SCAF4: variants seen among roughly 807,000 people sequenced by gnomAD.
The protein encoded by SCAF4 is SR-related CTD associated factor 4.
In SCAF4, 25 loss-of-function variants were observed where a neutral mutation model predicts 129.8. That is an observed-to-expected ratio of 0.19 (90% CI 0.14 to 0.27). The LOEUF (loss-of-function observed/expected upper bound fraction) is 0.27, where lower values mean the gene tolerates loss of function less well. Ranked by LOEUF, SCAF4 falls within the 10% of genes least tolerant of loss-of-function variation. The pLI is 1.00. For missense variants in SCAF4, 1,246 were observed against 1,457.1 expected (o/e 0.86, Z 2.36); for synonymous variants, 551 against 497.7 (o/e 1.11, Z -1.43).
intron 1 of SCAF4, among the ~76,000 whole-genome samples, chr21:31,715,108 T>C (rs13049612): frequency 0.23 from 35,640 of 152,146 alleles, 4,742 homozygotes; most frequent in East Asian, 0.32. Context: ...AGAATCTCAC[T>C]AGCATCAGCA....
At chr21:31,715,156 A>G (rs1568859806) in intron 1 of SCAF4, among the ~76,000 whole-genome samples, 1 of 152,156 alleles carries the variant, frequency 6.6e-6, no homozygotes, top group Admixed American at 6.5e-5. Flanking sequence ...GGAAGAATCT[A>G]TTTCTTGTCT....
In SCAF4 at chr21:31,721,725, C is replaced by CTT. The variant is rs1030749806; in HGVS notation, c.30+9936_30+9937dup. ...TTATTAACATCAAGCAAGAGCAATTCTTTTTTTTTTTTTTTTTTTGAGATG... is the reference window on the plus strand; with the variant it reads ...TTATTAACATCAAGCAAGAGCAATTCTTTTTTTTTTTTTTTTTTTTTGAGATG... On this transcript the variant is annotated intron_variant, in intron 1 of 19. Coordinates refer to ENST00000286835, the MANE Select transcript of SCAF4 (RefSeq NM_020706.2). Among the ~76,000 whole-genome samples the CTT allele has an allele frequency of 5.7e-3, 714 of 125,418 alleles. 12 individuals are homozygous for CTT. The highest frequency in any genetic ancestry group is 0.014 in the South Asian group (52 of 3,824). 82.3% of individuals were successfully genotyped at this position (125,418 alleles called of 152,430 possible).
At chr21:31,701,748 C>T in intron 6 of SCAF4, 28 bp downstream of exon 6, 1 of 1,586,210 alleles carries the variant, frequency 6.3e-7, no homozygotes, top group Non-Finnish European at 8.5e-7. Context: ...GTCCTGCAAA[C>T]AATTTCACTT....
chr21:31,698,425 AAATTCAAAGG>A (rs2050439789), intron 7 of SCAF4, among the ~76,000 whole-genome samples: 1 of 152,172 alleles, frequency 6.6e-6, no homozygotes, highest in African/African-American at 2.4e-5. Flanking sequence ...ATTTACCTAT[AAATTCAAAGG>A]AATTCTATAC....
chr21:31,675,732 A>G (rs951068952), intron 19 of SCAF4, among the ~76,000 whole-genome samples: 3 of 152,228 alleles, frequency 2.0e-5, no homozygotes, highest in African/African-American at 7.2e-5. Context: ...GAGTTTAACT[A>G]AAAATAACCA....
Position 31,692,366 on chromosome 21 carries a change from G to A in SCAF4, c.1597C>T (p.Pro533Ser). 7 of 1,613,032 alleles carry A rather than the reference G, an allele frequency of 4.3e-6. No homozygotes were observed. The highest frequency in any genetic ancestry group is 5.9e-6 in the Non-Finnish European group (7 of 1,179,122). Reference protein sequence around the residue: ...DVASLLEEFGPIESINMIPPR... With the variant: ...DVASLLEEFGSIESINMIPPR... ...ACACTCACATTAATTGATTCAATTG[G>A]ACCAAACTCTTCCAAGAGACTGGCA... is the stretch of plus-strand genomic sequence containing the variant. Residue 533 changes from proline (P) to serine (S), a missense_variant, in exon 13 of 20, where the codon CCA becomes TCA. Pro to Ser is a moderately conservative substitution (Grantham distance 74, BLOSUM62 -1). Transcript: ENST00000286835.
chr21:31,675,135 T>C (rs2049819580), intron 19 of SCAF4, among the ~76,000 whole-genome samples: 1 of 152,164 alleles, frequency 6.6e-6, no homozygotes, highest in African/African-American at 2.4e-5. Flanking sequence ...AGAACCACAA[T>C]AAAATGACTT....
chr21:31,698,615 A>C (rs180782864), intron 7 of SCAF4, among the ~76,000 whole-genome samples: 1 of 152,168 alleles, frequency 6.6e-6, no homozygotes, highest in Non-Finnish European at 1.5e-5. Context: ...TTTTTAGATG[A>C]AAGTAACAAT....
chr21:31,725,748 C>G (rs953974685), intron 1 of SCAF4, among the ~76,000 whole-genome samples: 1 of 152,014 alleles, frequency 6.6e-6, no homozygotes, highest in Non-Finnish European at 1.5e-5. Flanking sequence ...CAGAGGCTAC[C>G]TGATGTGTGT....
At chr21:31,688,261 G>C (rs766126429) in intron 16 of SCAF4, 46 bp downstream of exon 16, 1 of 1,584,774 alleles carries the variant, frequency 6.3e-7, no homozygotes. Context: ...TTTAGAAAGG[G>C]ACCTTTCAGG....
At chr21:31,696,497 AATGTTAC>A in intron 8 of SCAF4, 65 bp downstream of exon 8, 1 of 1,347,208 alleles carries the variant, frequency 7.4e-7, no homozygotes, top group Non-Finnish European at 1.0e-6. Flanking sequence ...GTCATTGCTA[AATGTTAC>A]TTAGGTTATG....
chr21:31,721,104 C>A (rs2051056357), intron 1 of SCAF4, among the ~76,000 whole-genome samples: 1 of 152,076 alleles, frequency 6.6e-6, no homozygotes, highest in African/African-American at 2.4e-5. Context: ...TTTTCATCAC[C>A]CCCAAAACAA....
chr21:31,730,222 C>T (rs573115442), intron 1 of SCAF4, among the ~76,000 whole-genome samples: 1 of 152,214 alleles, frequency 6.6e-6, no homozygotes, highest in African/African-American at 2.4e-5. Flanking sequence ...ATTCTACCTT[C>T]AGAAAACAAT....
intron 1 of SCAF4, among the ~76,000 whole-genome samples, chr21:31,726,115 G>C (rs571867734): frequency 6.6e-6 from 1 of 150,636 alleles, no homozygotes; most frequent in African/African-American, 2.4e-5. Context: ...GCGCGATCTC[G>C]GCTCACTGCA....
chr21:31,729,178 T>G (rs1436400776), intron 1 of SCAF4, among the ~76,000 whole-genome samples: 1 of 152,226 alleles, frequency 6.6e-6, no homozygotes, highest in African/African-American at 2.4e-5. Flanking sequence ...TCAAACACAT[T>G]AGGCAAACAT....
In SCAF4 at chr21:31,679,375, A is replaced by G. The variant is rs965380441; in HGVS notation, c.2488+5674T>C. On this transcript the variant is annotated intron_variant, in intron 19 of 19. Transcript: ENST00000286835. ...AATCAGCAAGTATTATCCTTTTTCC[A>G]TTTCAGACCTGCAGAAAACTGAAAT... Among the ~76,000 whole-genome samples the G allele has an allele frequency of 5.9e-5, 9 of 151,830 alleles. No homozygotes were observed. In the East Asian group the frequency reaches 1.4e-3, roughly 23 times the overall value.
intron 1 of SCAF4, among the ~76,000 whole-genome samples, chr21:31,724,510 T>C (rs914136874): frequency 7.2e-5 from 11 of 152,248 alleles, no homozygotes; most frequent in East Asian, 1.9e-4. Context: ...TTTGGCATAT[T>C]GTCTCAACAA....
In SCAF4 at chr21:31,685,424, T is replaced by TGAG; in HGVS notation, c.2267_2269dup (p.Pro756dup). Reference sequence around the variant, plus strand: ...GTTTGGGATGCTTATTGGTGGAGTGTGAGGAGGAGGAATGGATACTGGTGG... The same window carrying TGAG: ...GTTTGGGATGCTTATTGGTGGAGTGTGAGGAGGAGGAGGAATGGATACTGGTGG... On this transcript the variant is annotated inframe_insertion, in exon 18 of 20. Transcript: ENST00000286835. 6.2e-7 allele frequency: 1 copy of TGAG among 1,612,642 alleles called. No homozygotes were observed. Among genetic ancestry groups the TGAG allele is most frequent in the Non-Finnish European group, 8.5e-7 (1 of 1,179,322 alleles).
At chr21:31,699,293 A>T (rs898708287) in intron 7 of SCAF4, among the ~76,000 whole-genome samples, 1 of 152,166 alleles carries the variant, frequency 6.6e-6, no homozygotes, top group African/African-American at 2.4e-5. Context: ...GACAATCATA[A>T]AAAAAACCTT....
Sources: gnomAD v4.1 joint callset for allele counts (sites outside exome capture counted in the v4.1 genomes callset) on GRCh38, gnomAD v4.1.1 for gene constraint, MANE v1.5 for transcripts, NCBI Gene and HGNC (gene_info 2026-07-23, HGNC 2026-07-21) for gene names.